Variants in ZNF786 observed in about 807,000 individuals in gnomAD.
The protein encoded by ZNF786 is zinc finger protein 786.
In ZNF786, 56 loss-of-function variants were observed where a neutral mutation model predicts 63.1. That is an observed-to-expected ratio of 0.89 (90% CI 0.72 to 1.11). The LOEUF (loss-of-function observed/expected upper bound fraction) is 1.11, where lower values mean the gene tolerates loss of function less well. Ranked by LOEUF, ZNF786 falls within the 50% of genes least tolerant of loss-of-function variation. The pLI is 0.00. For synonymous variants in ZNF786, 485 were observed against 406.9 expected (o/e 1.19, Z -2.31); for missense variants, 1,213 against 1,041.8 (o/e 1.16, Z -2.26).
rs762922242 is a variant in ZNF786, at chr7:149,070,883, T to C, written c.1889A>G (p.Tyr630Cys). The C allele has an allele frequency of 1.9e-6, 3 of 1,610,344 alleles. No individual in the cohort carries two copies. The highest frequency in any genetic ancestry group is 2.2e-5 in the East Asian group (1 of 44,654). ...PFQCPECDKR[Y>C]RVKADMKAHQ... ...GGCCTTCATGTCGGCCTTCACGCGA[T>C]AGCGCTTGTCGCACTCCGGACACTG... Residue 630 changes from tyrosine to cysteine, a missense_variant, in exon 4 of 4, where the codon TAT becomes TGT. By Grantham distance (194) the Tyr-to-Cys change is radical. Coordinates refer to ENST00000491431, the MANE Select transcript of ZNF786 (RefSeq NM_152411.4).
In ZNF786 at chr7:149,072,001, G is replaced by A. The variant is rs1392382542; in HGVS notation, c.771C>T (p.Arg257=). Residue 257 remains arginine, a synonymous_variant, in exon 4 of 4, where the codon CGC becomes CGT. Coordinates refer to ENST00000491431, the MANE Select transcript of ZNF786 (RefSeq NM_152411.4). ...KSFRRKLCLL[R]HLAAHTGRGP... ...CCCTCCCCGTGTGGGCCGCCAGATG[G>A]CGCAGCAGACACAGCTTCCGGCGGA... 2 of 1,612,922 alleles carry A rather than the reference G, an allele frequency of 1.2e-6. No homozygotes were observed. Among genetic ancestry groups the A allele is most frequent in the South Asian group, 1.1e-5 (1 of 91,084 alleles).
At position 149,071,729 on chromosome 7, in the gene ZNF786, T is replaced by G. The variant is rs371685988; in HGVS notation, c.1043A>C (p.Gln348Pro). The G allele has an allele frequency of 1.3e-6, 2 of 1,585,108 alleles. No homozygotes were observed. The highest frequency in any genetic ancestry group is 1.7e-6 in the Non-Finnish European group (2 of 1,173,616). ...SGQKPGSRLPQEGNSHQEGDT... is the reference protein window; with the variant it reads ...SGQKPGSRLPPEGNSHQEGDT... ...CCCTTCCTGGTGGCTGTTCCCCTCC[T>G]GGGGCAGGCGCGAGCCTGGTTTCTG... The change falls in exon 4 of 4, where the codon CAG becomes CCG. Residue 348 changes from glutamine (Q) to proline (P), a missense_variant. Physicochemically the swap from Gln to Pro is moderately conservative, Grantham distance 76. Coordinates refer to ENST00000491431, the MANE Select transcript of ZNF786 (RefSeq NM_152411.4).
chr7:149,071,499 ACGGTCTCTCCC>A lies in ZNF786; in HGVS notation c.1262_1272del (p.Gly421ValfsTer15), dbSNP rs1201781085. The A allele has an allele frequency of 1.2e-6, 2 of 1,613,066 alleles. No individual in the cohort carries two copies. Among genetic ancestry groups the A allele is most frequent in the South Asian group, 2.2e-5 (2 of 91,066 alleles). ...CCCTTGCCACACTTCCTGCAGGAGA[ACGGTCTCTCCC>A]CACCGTGCGCGTGCTGGTGGACCTG... On this transcript the variant is annotated frameshift_variant, in exon 4 of 4. Transcript: ENST00000491431. LOFTEE classifies it high-confidence loss of function.
Position 149,071,690 on chromosome 7 carries a change from A to C in ZNF786, c.1082T>G (p.Leu361Arg). The C allele has an allele frequency of 3.8e-6, 6 of 1,568,978 alleles. No homozygotes were observed. Among genetic ancestry groups the C allele is most frequent in the Non-Finnish European group, 5.2e-6 (6 of 1,164,760 alleles). The change falls in exon 4 of 4, where the codon CTG becomes CGG. Residue 361 changes from leucine to arginine, a missense_variant. Leu to Arg is a moderately radical substitution (Grantham distance 102). Transcript: ENST00000491431. ...NSHQEGDTEA[L>R]QHGAEGPCSC... is the part of the protein sequence containing the mutation. ...GCAGGGCCCCTCTGCGCCATGCTGC[A>C]GCGCCTCCGTGTCCCCTTCCTGGTG...
intron 1 of ZNF786, among the ~76,000 whole-genome samples, chr7:149,081,816 A>G (rs1455649469): frequency 6.6e-6 from 1 of 152,206 alleles, no homozygotes; most frequent in Non-Finnish European, 1.5e-5. Flanking sequence ...CTGTTTGCCA[A>G]TGATATGATC....
At position 149,090,608 on chromosome 7, in the gene ZNF786, G is replaced by C; in HGVS notation, c.18+15C>G. The C allele has an allele frequency of 6.3e-7, 1 of 1,587,700 alleles. No homozygotes were observed. Among genetic ancestry groups the C allele is most frequent in the Non-Finnish European group, 8.6e-7 (1 of 1,165,220 alleles). On this transcript the variant is annotated intron_variant, in intron 1 of 3. Coordinates refer to ENST00000491431, the MANE Select transcript of ZNF786 (RefSeq NM_152411.4). ...GACCCCGAAACCGGGCGTCCAAACA[G>C]GCTAGCCCGCTTACCCGAGGCGGCT...
At position 149,070,497 on chromosome 7, in the gene ZNF786, G is replaced by A. The variant is rs772300649; in HGVS notation, c.2275C>T (p.Pro759Ser). ...EHIRVHTKSCPAPNELDIKKR... is the reference protein window; with the variant it reads ...EHIRVHTKSCSAPNELDIKKR... ...TTAATGTCCAGTTCATTTGGAGCAG[G>A]ACAGGATTTTGTGTGTACTCTGATG... Residue 759 changes from proline (P) to serine (S), a missense_variant, in exon 4 of 4, where the codon CCT becomes TCT. By Grantham distance (74) the Pro-to-Ser change is moderately conservative (BLOSUM62 -1). Coordinates refer to ENST00000491431, the MANE Select transcript of ZNF786 (RefSeq NM_152411.4). The A allele has an allele frequency of 1.9e-6, 3 of 1,613,914 alleles. No individual in the cohort carries two copies. Among genetic ancestry groups the A allele is most frequent in the Admixed American group, 1.7e-5 (1 of 59,996 alleles).
chr7:149,070,695 T>C lies in ZNF786; in HGVS notation c.2077A>G (p.Ser693Gly). The C allele has an allele frequency of 6.2e-7, 1 of 1,613,890 alleles. No homozygotes were observed. Among genetic ancestry groups the C allele is most frequent in the South Asian group, 1.1e-5 (1 of 91,088 alleles). ...KSFRLKAQLL[S>G]HQGLHTGERP... ...TCCCCTGTGTGCAGGCCCTGATGGC[T>C]GAGCAGCTGCGCCTTCAGGCGGAAA... is the stretch of plus-strand genomic sequence containing the variant. The change falls in exon 4 of 4, where the codon AGC (serine) becomes GGC (glycine). Residue 693 changes from serine to glycine, a missense_variant. By Grantham distance (56) the Ser-to-Gly change is moderately conservative (BLOSUM62 0). Transcript: ENST00000491431.
Position 149,076,524 on chromosome 7 carries a change from C to T in ZNF786, c.146-1986G>A, listed in dbSNP as rs1042270012. ...CGGGAGGATGACGAGGTCAGGAGTT[C>T]GAGACCAGCCTGGCCAATATGGTGA... is the stretch of plus-strand genomic sequence containing the variant. On this transcript the variant is annotated intron_variant, in intron 2 of 3. Coordinates refer to ENST00000491431, the MANE Select transcript of ZNF786 (RefSeq NM_152411.4). Among the ~76,000 whole-genome samples, 11 of 151,068 alleles carry T rather than the reference C, an allele frequency of 7.3e-5. 1 individual carries two copies. The highest frequency in any genetic ancestry group is 1.4e-4 in the African/African-American group (6 of 41,406).
chr7:149,071,428 G>A lies in ZNF786; in HGVS notation c.1344C>T (p.Ser448=), dbSNP rs1448532313. 1 of 1,613,132 alleles carries A rather than the reference G, an allele frequency of 6.2e-7. No homozygotes were observed. Among genetic ancestry groups the A allele is most frequent in the Admixed American group, 1.7e-5 (1 of 59,956 alleles). ...TGGCACACCGGAAAGGCTTCTCTCC[G>A]CTGTGGACTCGAATGTGCTCCGTGA... is the stretch of plus-strand genomic sequence containing the variant. ...CKLTEHIRVH[S]GEKPFRCAKC... is the part of the protein sequence containing the mutation. The change falls in exon 4 of 4, where the codon AGC becomes AGT. Residue 448 remains serine, a synonymous_variant. Coordinates refer to ENST00000491431, the MANE Select transcript of ZNF786 (RefSeq NM_152411.4).
rs1351888826 is a variant in ZNF786, at chr7:149,071,601, G to A, written c.1171C>T (p.His391Tyr). 9 of 1,602,824 alleles carry A rather than the reference G, an allele frequency of 5.6e-6. No homozygotes were observed. In the Admixed American group the frequency reaches 1.4e-4, roughly 24 times the overall value. Reference protein sequence around the residue: ...SARLASPCRAHTGEKPFQCAH... With the variant: ...SARLASPCRAYTGEKPFQCAH... Reference sequence around the variant, plus strand: ...CACTGGAAGGGCTTTTCTCCAGTATGCGCCCTGCAGGGGCTGGCGAGCCTG... The same window carrying A: ...CACTGGAAGGGCTTTTCTCCAGTATACGCCCTGCAGGGGCTGGCGAGCCTG... The change falls in exon 4 of 4, where the codon CAT (histidine) becomes TAT (tyrosine). Residue 391 changes from histidine to tyrosine, a missense_variant. Transcript: ENST00000491431.
At chr7:149,074,611 C>T in intron 2 of ZNF786, 73 bp from the exon 3 acceptor site, 1 of 1,471,196 alleles carries the variant, frequency 6.8e-7, no homozygotes, top group Non-Finnish European at 9.1e-7. Flanking sequence ...AATTTCTCAA[C>T]ATTCACTCCT....
chr7:149,077,157 C>G (rs1484060866), intron 2 of ZNF786, among the ~76,000 whole-genome samples: 2 of 152,190 alleles, frequency 1.3e-5, no homozygotes, highest in East Asian at 1.9e-4. Flanking sequence ...CCATCTTGTT[C>G]CATAAGACTG....
chr7:149,086,626 T>TCTCA (rs1554453724), intron 1 of ZNF786, among the ~76,000 whole-genome samples: 15 of 147,608 alleles, frequency 1.0e-4, no homozygotes, highest in South Asian at 6.5e-4. Flanking sequence ...ACACTCTGTC[T>TCTCA]CACACACACA....
intron 2 of ZNF786, among the ~76,000 whole-genome samples, chr7:149,079,346 T>C (rs1225090329): frequency 6.6e-6 from 1 of 151,536 alleles, no homozygotes; most frequent in Non-Finnish European, 1.5e-5. Flanking sequence ...AAGGCGGAGC[T>C]TGCAGTGAGC....
At chr7:149,087,057 G>C (rs1825751340) in intron 1 of ZNF786, among the ~76,000 whole-genome samples, 1 of 152,070 alleles carries the variant, frequency 6.6e-6, no homozygotes, top group Non-Finnish European at 1.5e-5. Flanking sequence ...TGGTCAGGCT[G>C]GTCTTGAACT....
Position 149,072,257 on chromosome 7 carries a change from T to TC in ZNF786, c.514dup (p.Asp172GlyfsTer45). 2.5e-6 allele frequency: 4 copies of TC among 1,613,498 alleles called. No homozygotes were observed. Among genetic ancestry groups the TC allele is most frequent in the Non-Finnish European group, 3.4e-6 (4 of 1,179,744 alleles). ...GGGGACGTCCCACAAACCAGGAAGA[T>TC]CCAGATTTCTGGGACCTGGGATTCC... On this transcript the variant is annotated frameshift_variant, in exon 4 of 4. Transcript: ENST00000491431. LOFTEE classifies it high-confidence loss of function.
chr7:149,071,776 G>C lies in ZNF786; in HGVS notation c.996C>G (p.Ala332=). Residue 332 remains alanine, a synonymous_variant, in exon 4 of 4, where the codon GCC becomes GCG. Transcript: ENST00000491431. ...TCTGTCCCGAGTGCACACTGCTGGA[G>C]GCCCCGCGGCCTTCTCTCCAAGAGG... ...GPASWREGRG[A]SSSVHSGQKP... 6.3e-7 allele frequency: 1 copy of C among 1,581,570 alleles called. No homozygotes were observed.
intron 3 of ZNF786, among the ~76,000 whole-genome samples, chr7:149,073,724 C>CGCGTGTGT (rs1554452308): frequency 1.5e-5 from 1 of 67,904 alleles, no homozygotes; most frequent in Non-Finnish European, 2.9e-5. Context: ...TATATGTGTG[C>CGCGTGTGT]GTGTGTGTGT....
Sources: gnomAD v4.1 joint callset for allele counts (sites outside exome capture counted in the v4.1 genomes callset) on GRCh38, gnomAD v4.1.1 for gene constraint, MANE v1.5 for transcripts, NCBI Gene and HGNC (gene_info 2026-07-23, HGNC 2026-07-21) for gene names.